NCAPG2: variants seen among roughly 807,000 people sequenced by gnomAD.
The protein encoded by NCAPG2 is non-SMC condensin II complex subunit G2.
In NCAPG2, 53 loss-of-function variants were observed where a neutral mutation model predicts 141.1. That is an observed-to-expected ratio of 0.38 (90% CI 0.30 to 0.47). NCAPG2 has a LOEUF of 0.47. Among genes scored for constraint, NCAPG2 ranks in the 20% least tolerant of loss-of-function variants. The pLI is 0.99. For missense variants in NCAPG2, 1,087 were observed against 1,389.0 expected, an observed-to-expected ratio of 0.78 and a Z score of 3.46; for synonymous variants, 499 against 490.7, an observed-to-expected ratio of 1.02 and a Z score of -0.22.
At chr7:158,691,932 C>T (rs576740913) in intron 4 of NCAPG2, among the ~76,000 whole-genome samples, 1 of 152,304 alleles carries the variant, frequency 6.6e-6, no homozygotes, top group East Asian at 1.9e-4. Flanking sequence ...AGTCAGACTT[C>T]CCTGAAAAAC....
chr7:158,675,449 A>G, intron 12 of NCAPG2, 28 bp downstream of exon 12: 1 of 1,527,274 alleles, frequency 6.5e-7, no homozygotes, highest in Non-Finnish European at 8.8e-7. Context: ...ACAAATAAAC[A>G]TTACTTACAT....
intron 12 of NCAPG2, among the ~76,000 whole-genome samples, chr7:158,673,159 GAAGAAGC>G (rs1490987576): frequency 1.3e-5 from 2 of 152,244 alleles, no homozygotes; most frequent in Non-Finnish European, 2.9e-5. Flanking sequence ...GGTGAAGGAG[GAAGAAGC>G]AAGAACAGCA....
At chr7:158,648,382 G>C (rs1212403142) in intron 24 of NCAPG2, among the ~76,000 whole-genome samples, 1 of 150,694 alleles carries the variant, frequency 6.6e-6, no homozygotes, top group Non-Finnish European at 1.5e-5. Context: ...CATCATAAAA[G>C]TGACAGGAAA....
At chr7:158,656,764 T>A in intron 17 of NCAPG2, 59 bp from the exon 18 acceptor site, 1 of 1,565,318 alleles carries the variant, frequency 6.4e-7, no homozygotes, top group Non-Finnish European at 8.7e-7. Context: ...CCCAACTTTG[T>A]CAAAAGGTGA....
At chr7:158,664,868 A>T (rs1832799061) in intron 13 of NCAPG2, 118 bp from the exon 14 acceptor site, 1 of 789,692 alleles carries the variant, frequency 1.3e-6, no homozygotes, top group East Asian at 2.7e-5. Context: ...ATTTAAAAAA[A>T]TTCACTTCGA....
In NCAPG2 at chr7:158,693,417, C is replaced by G; in HGVS notation, c.159G>C (p.Arg53Ser). 6.2e-7 allele frequency: 1 copy of G among 1,614,106 alleles called. No individual in the cohort carries two copies. Among genetic ancestry groups the G allele is most frequent in the South Asian group, 1.1e-5 (1 of 91,080 alleles). ...ACACATCTGTCAATAAATTCTTCAG[C>G]CTTTGCCATAATTCTTCTTTCTGTT... ...SRKQKEELWQRLKNLLTDVLL... is the reference protein window; with the variant it reads ...SRKQKEELWQSLKNLLTDVLL... Residue 53 changes from arginine (R) to serine (S), a missense_variant, in exon 3 of 28, where the codon AGG becomes AGC. Arg to Ser is a moderately radical substitution (Grantham distance 110). Coordinates refer to ENST00000356309, the MANE Select transcript of NCAPG2 (RefSeq NM_017760.7).
Position 158,692,835 on chromosome 7 carries a change from A to T in NCAPG2, c.382+7T>A. 1 of 1,464,518 alleles carries T rather than the reference A, an allele frequency of 6.8e-7. No homozygotes were observed. The allele number at this position is 1,464,518 out of a possible 1,614,324, so 90.7% of individuals were successfully genotyped here. On this transcript the variant is annotated splice_region_variant and intron_variant, in intron 4 of 27. Coordinates refer to ENST00000356309, the MANE Select transcript of NCAPG2 (RefSeq NM_017760.7). Reference sequence around the variant, plus strand: ...TAAATATGCCATTTATAACAAAATCAACTCACCATTTAATATAATAACACA... The same window carrying T: ...TAAATATGCCATTTATAACAAAATCTACTCACCATTTAATATAATAACACA...
chr7:158,658,036 G>C (rs1832148698), intron 17 of NCAPG2, among the ~76,000 whole-genome samples: 1 of 151,488 alleles, frequency 6.6e-6, no homozygotes, highest in Admixed American at 6.6e-5. Context: ...AGGGTCCTCT[G>C]CCTAGGAAAA....
chr7:158,655,237 A>G lies in NCAPG2; in HGVS notation c.2527T>C (p.Tyr843His), dbSNP rs1295439684. ...CCAGTGTCTTCCAACATGGACAAATACACCTTTCCTTCTGAGCAGAACTGT... is the reference window on the plus strand; with the variant it reads ...CCAGTGTCTTCCAACATGGACAAATGCACCTTTCCTTCTGAGCAGAACTGT... The part of the protein sequence containing the change: ...QHKFCSEGKV[Y>H]LSMLEDTGFW... Residue 843 changes from tyrosine (Y) to histidine (H), a missense_variant, in exon 21 of 28, where the codon TAT becomes CAT. Transcript: ENST00000356309. The G allele has an allele frequency of 6.2e-7, 1 of 1,613,984 alleles. No individual in the cohort carries two copies. The highest frequency in any genetic ancestry group is 1.1e-5 in the South Asian group (1 of 91,054).
intron 2 of NCAPG2, among the ~76,000 whole-genome samples, chr7:158,694,050 T>G (rs755879790): frequency 1.3e-5 from 2 of 152,136 alleles, no homozygotes; most frequent in Non-Finnish European, 2.9e-5. Context: ...ATAGCCAAAT[T>G]TGGAACAATG....
chr7:158,661,999 C>T (rs934034153), intron 16 of NCAPG2, among the ~76,000 whole-genome samples, 195 bp downstream of exon 16: 5 of 152,118 alleles, frequency 3.3e-5, no homozygotes, highest in South Asian at 4.2e-4. Flanking sequence ...TGGAAGCAGA[C>T]AGAGACACAA....
At chr7:158,697,558 G>A (rs567212521) in intron 2 of NCAPG2, among the ~76,000 whole-genome samples, 27 of 150,640 alleles carry the variant, frequency 1.8e-4, no homozygotes, top group African/African-American at 5.9e-4. Flanking sequence ...CCAAGACGAC[G>A]CCACTGCACT....
Position 158,658,373 on chromosome 7 carries a change from C to T in NCAPG2, c.2025G>A (p.Met675Ile), listed in dbSNP as rs368005986. The T allele has an allele frequency of 6.2e-7, 1 of 1,612,220 alleles. No homozygotes were observed. The highest frequency in any genetic ancestry group is 2.2e-5 in the East Asian group (1 of 44,862). The change falls in exon 17 of 28, where the codon ATG becomes ATA. Residue 675 changes from methionine (M) to isoleucine (I), a missense_variant. By Grantham distance (10) the Met-to-Ile change is conservative (BLOSUM62 1). Transcript: ENST00000356309. ...GGACAGCAGAGGCCGGCATAAAGGA[C>T]ATTAGCATGAATAAAGGGATCTTGC... ...DRCKIPLFML[M>I]SFMPASAVPP...
intron 12 of NCAPG2, among the ~76,000 whole-genome samples, chr7:158,673,858 T>C (rs1213262702): frequency 6.6e-6 from 1 of 152,234 alleles, no homozygotes; most frequent in Non-Finnish European, 1.5e-5. Flanking sequence ...ACTGAGGTTT[T>C]ACCACAACAT....
intron 6 of NCAPG2, among the ~76,000 whole-genome samples, chr7:158,688,278 ATGAT>A (rs772741935): frequency 2.6e-5 from 4 of 152,234 alleles, no homozygotes; most frequent in Non-Finnish European, 4.4e-5. Context: ...GACCAAATTA[ATGAT>A]TGATTAGGAA....
intron 26 of NCAPG2, 85 bp downstream of exon 26, chr7:158,645,434 G>T: frequency 2.5e-6 from 3 of 1,208,714 alleles, no homozygotes; most frequent in Non-Finnish European, 3.7e-6. Context: ...GTAGCCAAGT[G>T]CAGGGGCTGA....
At chr7:158,649,981 C>A (rs1831357657) in intron 24 of NCAPG2, among the ~76,000 whole-genome samples, 1 of 152,236 alleles carries the variant, frequency 6.6e-6, no homozygotes, top group South Asian at 2.1e-4. Flanking sequence ...ATCTTCAATT[C>A]ATCTACAGCT....
intron 8 of NCAPG2, among the ~76,000 whole-genome samples, chr7:158,684,554 G>A (rs1834638679): frequency 6.6e-6 from 1 of 152,180 alleles, no homozygotes; most frequent in Non-Finnish European, 1.5e-5. Flanking sequence ...CATTCCATAA[G>A]CACATTTTTG....
In NCAPG2 at chr7:158,644,455, A is replaced by G. The variant is rs1830858038; in HGVS notation, c.3281-67T>C. The G allele has an allele frequency of 6.6e-6, 9 of 1,370,826 alleles. No individual in the cohort carries two copies. The East Asian group carries it at 2.1e-4, about 31-fold the overall frequency. The allele number at this position is 1,370,826 out of a possible 1,614,324, so 84.9% of individuals were successfully genotyped here. A position where few individuals can be genotyped will look rare whatever the true frequency, so the allele number is the denominator to read the frequency against. On this transcript the variant is annotated intron_variant, in intron 26 of 27. Coordinates refer to ENST00000356309, the MANE Select transcript of NCAPG2 (RefSeq NM_017760.7). ...ACTACACAAAGACAAACACTCTGGT[A>G]CACATGTGGTACAACTTCCCTAAGC...
Sources: gnomAD v4.1 joint callset for allele counts (sites outside exome capture counted in the v4.1 genomes callset) on GRCh38, gnomAD v4.1.1 for gene constraint, MANE v1.5 for transcripts, NCBI Gene and HGNC (gene_info 2026-07-23, HGNC 2026-07-21) for gene names.